RXFP1: variants seen among roughly 807,000 people sequenced by gnomAD.
RXFP1 encodes relaxin receptor 1.
In RXFP1, 73 loss-of-function variants were observed where a neutral mutation model predicts 89.8. That is an observed-to-expected ratio of 0.81 (90% confidence interval 0.67 to 0.99). The LOEUF (loss-of-function observed/expected upper bound fraction) is 0.99, where lower values mean the gene tolerates loss of function less well. Among genes scored for constraint, RXFP1 ranks in the 50% least tolerant of loss-of-function variants. RXFP1 has a pLI of 0.00. For missense variants in RXFP1, 793 were observed against 895.5 expected (o/e 0.89, Z 1.46); for synonymous variants, 277 against 305.5 (o/e 0.91, Z 0.97).
chr4:158,651,615 A>G (rs1029886819), intron 17 of RXFP1, 142 bp from the exon 18 acceptor site: 7 of 586,470 alleles, frequency 1.2e-5, no homozygotes, highest in Non-Finnish European at 2.0e-5. Context: ...AAACAAATAT[A>G]GACTTGGTAT....
At chr4:158,523,521 A>G (rs1048299218) in intron 1 of RXFP1, among the ~76,000 whole-genome samples, 1 of 152,190 alleles carries the variant, frequency 6.6e-6, no homozygotes, top group African/African-American at 2.4e-5. Context: ...TGATGATGCC[A>G]AAACCCTCTG....
chr4:158,569,255 G>C (rs1754521771), intron 1 of RXFP1, among the ~76,000 whole-genome samples: 1 of 152,160 alleles, frequency 6.6e-6, no homozygotes, highest in South Asian at 2.1e-4. Context: ...TAACATTCTG[G>C]AAAAAGAAGA....
At position 158,645,093 on chromosome 4, in the gene RXFP1, A is replaced by T; in HGVS notation, c.1300A>T (p.Arg434Trp). 6.2e-7 allele frequency: 1 copy of T among 1,614,152 alleles called. No homozygotes were observed. The highest frequency in any genetic ancestry group is 8.5e-7 in the Non-Finnish European group (1 of 1,179,998). ...TGTCATTTGCATGCGACCTTATATC[A>T]GGTCTGAGAACAAGCTGTATGCCAT... The part of the protein sequence containing the change: ...IFVICMRPYI[R>W]SENKLYAMSI... Residue 434 changes from arginine to tryptophan, a missense_variant, in exon 15 of 18, where the codon AGG (arginine) becomes TGG (tryptophan). Transcript: ENST00000307765.
chr4:158,645,895 C>T (rs1278457250), intron 15 of RXFP1, among the ~76,000 whole-genome samples: 1 of 151,866 alleles, frequency 6.6e-6, no homozygotes, highest in Non-Finnish European at 1.5e-5. Flanking sequence ...ATGTAAGAAA[C>T]AGAACTCAGA....
intron 3 of RXFP1, among the ~76,000 whole-genome samples, chr4:158,595,960 G>A (rs1195031455): frequency 1.3e-5 from 2 of 149,588 alleles, no homozygotes; most frequent in African/African-American, 5.0e-5. Flanking sequence ...ACCAGCCTGG[G>A]CAACATAGTG....
rs5741905 is a variant in RXFP1, at chr4:158,527,564, A to AAAAAATATATATAT, written c.49+5540_49+5541insAAAATATATATATA. The stretch of plus-strand genomic sequence containing the variant: ...ATCTCCCCCGCTCCAAAAAAAAAAA[A>AAAAAATATATATAT]ATATATATATATATGTATATATATA... On this transcript the variant is annotated intron_variant, in intron 1 of 17. Coordinates refer to ENST00000307765, the MANE Select transcript of RXFP1 (RefSeq NM_021634.4). Among the ~76,000 whole-genome samples, 566 of 98,278 alleles carry AAAAAATATATATAT rather than the reference A, an allele frequency of 5.8e-3. 7 individuals carry two copies. Among genetic ancestry groups the AAAAAATATATATAT allele is most frequent in the East Asian group, 0.014 (45 of 3,154 alleles). 64.5% of individuals were successfully genotyped at this position (98,278 alleles called of 152,430 possible).
At chr4:158,557,275 T>C (rs1751511980) in intron 1 of RXFP1, among the ~76,000 whole-genome samples, 1 of 152,238 alleles carries the variant, frequency 6.6e-6, no homozygotes, top group African/African-American at 2.4e-5. Flanking sequence ...TTTAAATGTT[T>C]AAGCATGTTT....
rs554031563 is a variant in RXFP1 at position 158,537,969 on chromosome 4, A to G, written c.49+15944A>G. 3.5e-4 allele frequency among the ~76,000 whole-genome samples: 54 copies of G among 152,284 alleles called. No individual in the cohort carries two copies. The Middle Eastern group carries it at 0.01, about 29-fold the overall frequency. ...ATGAGGAACAGCCAGGCTTGTAATG[A>G]TCTGAGGAAAGAACAATGCAGGCAC... On this transcript the variant is annotated intron_variant, in intron 1 of 17. Transcript: ENST00000307765.
At chr4:158,579,048 G>A (rs911574721) in intron 2 of RXFP1, among the ~76,000 whole-genome samples, 1 of 149,194 alleles carries the variant, frequency 6.7e-6, no homozygotes, top group African/African-American at 2.5e-5. Flanking sequence ...GCAAGAGACA[G>A]GAAATGGCAT....
rs541803036 is a variant in RXFP1, at chr4:158,611,151, C to G, written c.537-979C>G. 2.2e-4 allele frequency among the ~76,000 whole-genome samples: 34 copies of G among 152,302 alleles called. No homozygotes were observed. The South Asian group carries it at 7.1e-3, about 32-fold the overall frequency. On this transcript the variant is annotated intron_variant, in intron 6 of 17. Transcript: ENST00000307765. ...TCTATTAAACCATAGGAAGTAGATC[C>G]TGATACTATCCCCATTTTAGAGTTG... is the stretch of plus-strand genomic sequence containing the variant.
At chr4:158,550,087 T>C (rs548888930) in intron 1 of RXFP1, among the ~76,000 whole-genome samples, 2 of 152,356 alleles carry the variant, frequency 1.3e-5, no homozygotes, top group African/African-American at 4.8e-5. Context: ...CCTTGAGCTG[T>C]GGTGGGCTCC....
intron 4 of RXFP1, among the ~76,000 whole-genome samples, chr4:158,601,214 C>A (rs1352370098): frequency 2.0e-5 from 3 of 151,808 alleles, no homozygotes; most frequent in African/African-American, 7.3e-5. Flanking sequence ...TTTTCAACCC[C>A]TGGTATAAAC....
Position 158,620,895 on chromosome 4 carries a change from A to C in RXFP1, c.755+3690A>C, listed in dbSNP as rs556422947. 1.6e-4 allele frequency among the ~76,000 whole-genome samples: 24 copies of C among 152,280 alleles called. No homozygotes were observed. In the South Asian group the frequency reaches 5.0e-3, roughly 32 times the overall value. Reference sequence around the variant, plus strand: ...CAACACTTTGGGAGGCCGAGGCAGGAGGATCCCTTGAGCTCAGGAGTTTGA... The same window carrying C: ...CAACACTTTGGGAGGCCGAGGCAGGCGGATCCCTTGAGCTCAGGAGTTTGA... On this transcript the variant is annotated intron_variant, in intron 9 of 17. Coordinates refer to ENST00000307765, the MANE Select transcript of RXFP1 (RefSeq NM_021634.4).
intron 9 of RXFP1, among the ~76,000 whole-genome samples, chr4:158,624,845 G>C (rs537031097): frequency 2.3e-4 from 35 of 152,100 alleles, no homozygotes; most frequent in Middle Eastern, 3.4e-3. Context: ...TATTAACACA[G>C]GAGGGGGGAA....
chr4:158,638,078 C>T lies in RXFP1; in HGVS notation c.1042C>T (p.Leu348Phe), dbSNP rs751000416. Residue 348 changes from leucine to phenylalanine, a missense_variant and splice_region_variant, in exon 13 of 18, where the codon CTC becomes TTC. Leu to Phe is a conservative substitution (Grantham distance 22). Coordinates refer to ENST00000307765, the MANE Select transcript of RXFP1 (RefSeq NM_021634.4). ...TGATTATCTTGTCAAACTCAAGTCTCTGTAAGTATTCACATATGGGGATAG... is the reference window on the plus strand; with the variant it reads ...TGATTATCTTGTCAAACTCAAGTCTTTGTAAGTATTCACATATGGGGATAG... The part of the protein sequence containing the change: ...QFDYLVKLKS[L>F]SLEGIEISNI... The T allele has an allele frequency of 5.1e-6, 8 of 1,572,384 alleles. No individual in the cohort carries two copies. In the South Asian group the frequency reaches 8.9e-5, roughly 18 times the overall value.
chr4:158,561,319 C>T (rs1173235594), intron 1 of RXFP1, among the ~76,000 whole-genome samples: 1 of 152,178 alleles, frequency 6.6e-6, no homozygotes, highest in East Asian at 1.9e-4. Context: ...ACTTCTTGAG[C>T]ACTCACAAGA....
intron 7 of RXFP1, 27 bp downstream of exon 7, chr4:158,612,228 T>A (rs752230695): frequency 6.2e-7 from 1 of 1,605,228 alleles, no homozygotes; most frequent in South Asian, 1.1e-5. Flanking sequence ...TGGCATTTTA[T>A]TGCACTAGTT....
intron 1 of RXFP1, among the ~76,000 whole-genome samples, chr4:158,550,821 G>A (rs1450679630): frequency 2.0e-5 from 3 of 152,146 alleles, no homozygotes; most frequent in Non-Finnish European, 4.4e-5. Context: ...CTGGTTCCAT[G>A]ATATCCAAGC....
At chr4:158,619,996 A>G (rs774327062) in intron 9 of RXFP1, among the ~76,000 whole-genome samples, 4 of 152,236 alleles carry the variant, frequency 2.6e-5, no homozygotes, top group Non-Finnish European at 4.4e-5. Flanking sequence ...GTTCATGTCA[A>G]ATTATAAAGC....
Sources: allele counts gnomAD v4.1 joint callset (sites outside exome capture counted in the v4.1 genomes callset), GRCh38; gene constraint gnomAD v4.1.1; transcripts MANE v1.5; gene names NCBI Gene and HGNC (gene_info 2026-07-23, HGNC 2026-07-21).